Variants in PSRC1 observed in about 807,000 individuals in gnomAD.
PSRC1 encodes the protein proline/serine-rich coiled-coil protein 1.
In PSRC1, 30 loss-of-function variants were observed where a neutral mutation model predicts 31.9. The ratio of observed to expected loss-of-function variants is 0.94; its 90% confidence interval spans 0.70 to 1.28. PSRC1 has a LOEUF of 1.28. Among genes scored for constraint, PSRC1 ranks in the 50% most tolerant of loss-of-function variants. The pLI is 0.00. For missense variants in PSRC1, 481 were observed against 472.8 expected (o/e 1.02, Z -0.16); for synonymous variants, 191 against 192.1 (o/e 0.99, Z 0.05).
At chr1:109,282,303 T>C in intron 3 of PSRC1, 2 of 614,708 alleles carry the variant, frequency 3.3e-6, no homozygotes, top group South Asian at 2.0e-5. Context: ...AATCCACTTA[T>C]CCTTCTTCTT....
chr1:109,282,946 G>T, intron 1 of PSRC1, 117 bp downstream of exon 1: 1 of 597,260 alleles, frequency 1.7e-6, no homozygotes, highest in South Asian at 2.0e-5. Context: ...CCTGCATCCT[G>T]GCCTCTCCTC....
At position 109,280,961 on chromosome 1, in the gene PSRC1, AGCTGCTCCCT is replaced by A; in HGVS notation, c.800_809del (p.Gln267LeufsTer69). On this transcript the variant is annotated frameshift_variant, in exon 5 of 7. Coordinates refer to ENST00000409138, the Ensembl canonical transcript of PSRC1. LOFTEE classifies it high-confidence loss of function. ...TGGGCAGTTGACTGGAAGATTTAGC[AGCTGCTCCCT>A]GCGGCCGGGGCAGGCGTTGAGAGTT... 1 of 1,612,946 alleles carries A rather than the reference AGCTGCTCCCT, an allele frequency of 6.2e-7. No individual in the cohort carries two copies. Among genetic ancestry groups the A allele is most frequent in the South Asian group, 1.1e-5 (1 of 91,016 alleles).
chr1:109,281,473 G>C, intron 4 of PSRC1, 146 bp downstream of exon 4: 1 of 838,172 alleles, frequency 1.2e-6, no homozygotes, highest in South Asian at 1.8e-5. Flanking sequence ...AAGAGTTTTG[G>C]TTCTCTTTTT....
In PSRC1 at chr1:109,282,002, G is replaced by C. The variant is rs752174725; in HGVS notation, c.136C>G (p.Leu46Val). The C allele has an allele frequency of 2.0e-6, 3 of 1,512,268 alleles. No individual in the cohort carries two copies. In the African/African-American group the frequency reaches 4.2e-5, roughly 21 times the overall value. 93.7% of individuals were successfully genotyped at this position (1,512,268 alleles called of 1,614,324 possible). ...GCATTTGGGTCACTTCGGTGGGAGA[G>C]GCCCCGTCGAAGTGGTTTCTCTGGA... Residue 46 changes from leucine (L) to valine (V), a missense_variant, in exon 4 of 7, where the codon CTC becomes GTC. Physicochemically the swap from Leu to Val is conservative, Grantham distance 32 (BLOSUM62 1). Transcript: ENST00000409138.
chr1:109,280,690 G>T, intron 5 of PSRC1, 87 bp downstream of exon 6: 2 of 1,159,138 alleles, frequency 1.7e-6, no homozygotes, highest in Non-Finnish European at 1.2e-6. Context: ...ATTGCAATAA[G>T]GATGGCAAAA....
chr1:109,280,356 G>C, intron 6 of PSRC1, 40 bp downstream of exon 7: 1 of 1,529,146 alleles, frequency 6.5e-7, no homozygotes, highest in Non-Finnish European at 9.0e-7. Flanking sequence ...GATGATGGCG[G>C]GGTAGGGAGA....
In PSRC1 at chr1:109,280,762, C is replaced by T. The variant is rs1656933115; in HGVS notation, c.994+15G>A. 2 of 1,545,800 alleles carry T rather than the reference C, an allele frequency of 1.3e-6. No individual in the cohort carries two copies. Among genetic ancestry groups the T allele is most frequent in the Non-Finnish European group, 1.8e-6 (2 of 1,140,048 alleles). On this transcript the variant is annotated intron_variant, in intron 5 of 6. Transcript: ENST00000409138. ...CGCTGGGCAAGGGCGGGCATTCTTC[C>T]TCCTGACCTCTTACCCTTGTGTCCA...
rs377629228 is a variant in PSRC1 at position 109,280,837 on chromosome 1, G to A, written c.934C>T (p.Arg312Ter). 7.4e-6 allele frequency: 12 copies of A among 1,610,886 alleles called. No homozygotes were observed. The highest frequency in any genetic ancestry group is 6.7e-5 in the Admixed American group (4 of 59,842). ...GTGCTTGGTCTTGGAAGCCCTTTTC[G>A]AGTTGACAGAGAATCCGGAGGTAGG... Residue 312 changes from arginine (R) to a stop codon, truncating the protein, a stop_gained, in exon 5 of 7, where the codon CGA becomes TGA. Transcript: ENST00000409138. LOFTEE classifies it high-confidence loss of function.
At chr1:109,280,146 G>A in exon 7 of PSRC1, 1 of 1,614,092 alleles carries the variant, frequency 6.2e-7, no homozygotes, top group East Asian at 2.2e-5. Flanking sequence ...TTGCTGTCCT[G>A]ATCTCTTTAC....
chr1:109,282,924 C>G, intron 1 of PSRC1, 139 bp downstream of exon 1: 1 of 614,876 alleles, frequency 1.6e-6, no homozygotes, highest in Non-Finnish European at 2.9e-6. Context: ...GCCCAGATTG[C>G]CCTGGAGCCG....
exon 5 of PSRC1, chr1:109,281,158 G>T (rs1379004465): frequency 6.2e-7 from 1 of 1,613,480 alleles, no homozygotes; most frequent in African/African-American, 1.3e-5. Flanking sequence ...CTCCCACTGG[G>T]CCCGGCTCTC....
chr1:109,281,035 G>A, exon 5 of PSRC1: 1 of 1,613,410 alleles, frequency 6.2e-7, no homozygotes, highest in Non-Finnish European at 8.5e-7. Flanking sequence ...GATCTGATGG[G>A]GGTGGGTGGG....
exon 5 of PSRC1, chr1:109,280,819 G>A: frequency 6.2e-7 from 1 of 1,605,948 alleles, no homozygotes; most frequent in Non-Finnish European, 8.5e-7. Flanking sequence ...GCAGTGCTTG[G>A]TCTTGGAAGC....
At chr1:109,280,015 G>T in exon 7 of PSRC1, 1 of 1,111,962 alleles carries the variant, frequency 9.0e-7, no homozygotes, top group Non-Finnish European at 1.4e-6. Context: ...CTACTCCTGG[G>T]AGACCAGCCC....
chr1:109,281,944 C>T, exon 4 of PSRC1: 1 of 1,575,806 alleles, frequency 6.3e-7, no homozygotes, highest in Non-Finnish European at 8.6e-7. Context: ...GGGGCCTAGG[C>T]TGAGCCTCAC....
intron 3 of PSRC1, 46 bp from the exon 4 acceptor site, chr1:109,282,106 CA>C: frequency 1.4e-6 from 2 of 1,432,812 alleles, no homozygotes; most frequent in South Asian, 1.5e-5. Flanking sequence ...CAAAAGGGAA[CA>C]GGAGATTATG....
At chr1:109,282,419 C>G in intron 3 of PSRC1, 99 bp downstream of exon 3, 1 of 1,190,738 alleles carries the variant, frequency 8.4e-7, no homozygotes, top group South Asian at 1.3e-5. Context: ...TGCGCCAAAC[C>G]TTGCTAAGTT....
intron 4 of PSRC1, 120 bp downstream of exon 4, chr1:109,281,499 A>G: frequency 2.1e-6 from 2 of 969,642 alleles, no homozygotes; most frequent in Non-Finnish European, 3.1e-6. Context: ...GTTCTCATTT[A>G]ATTCCAACAA....
chr1:109,280,659 G>T, intron 5 of PSRC1, 118 bp downstream of exon 6: 1 of 995,020 alleles, frequency 1.0e-6, no homozygotes, highest in Non-Finnish European at 1.5e-6. Flanking sequence ...CTGTAACTCA[G>T]TCTCCCCATC....
Sources: gnomAD v4.1 joint callset for allele counts on GRCh38, gnomAD v4.1.1 for gene constraint, MANE v1.5 for transcripts, NCBI Gene and HGNC (gene_info 2026-07-23, HGNC 2026-07-21) for gene names.